Variants in AKAP7 observed in about 807,000 individuals in gnomAD.
AKAP7 encodes A-kinase anchoring protein 7, also known as A kinase (PRKA) anchor protein 7.
In AKAP7, 39 loss-of-function variants were observed where a neutral mutation model predicts 39.5. The observed-to-expected ratio is 0.99, with a 90% CI of 0.76 to 1.29. AKAP7 has a LOEUF of 1.29. AKAP7 is among the 50% of genes most tolerant of loss of function. AKAP7 has a pLI of 0.00. For missense variants in AKAP7, 414 were observed against 407.7 expected (o/e 1.02, Z -0.13); for synonymous variants, 140 against 139.1 (o/e 1.01, Z -0.05).
At chr6:131,158,758 C>G (rs1802649994) in intron 2 of AKAP7, among the ~76,000 whole-genome samples, 1 of 152,048 alleles carries the variant, frequency 6.6e-6, no homozygotes. Context: ...CTTCCTGCTT[C>G]AGCCTCCCAA....
chr6:131,145,443 A>G, intron 2 of AKAP7, 27 bp downstream of exon 2: 1 of 1,371,300 alleles, frequency 7.3e-7, no homozygotes, highest in Non-Finnish European at 9.6e-7. Flanking sequence ...GTAAACGCGT[A>G]TTTAGAAGCA....
At chr6:131,153,003 G>A (rs1243626369) in intron 2 of AKAP7, among the ~76,000 whole-genome samples, 1 of 151,758 alleles carries the variant, frequency 6.6e-6, no homozygotes. Context: ...GGTGGCGTGT[G>A]CCTGTAGTCC....
intron 7 of AKAP7, among the ~76,000 whole-genome samples, chr6:131,277,691 A>G (rs535089457): frequency 2.4e-3 from 373 of 152,282 alleles, no homozygotes; most frequent in Non-Finnish European, 4.5e-3. Flanking sequence ...GAAAATGTCT[A>G]TTTTTTGAAT....
chr6:131,189,754 G>A (rs962705595), intron 5 of AKAP7, among the ~76,000 whole-genome samples: 30 of 152,254 alleles, frequency 2.0e-4, no homozygotes, highest in African/African-American at 7.2e-4. Context: ...CTTTTATATA[G>A]CAAAGTGTCC....
chr6:131,205,342 G>C (rs1807989997), intron 6 of AKAP7, among the ~76,000 whole-genome samples: 1 of 152,064 alleles, frequency 6.6e-6, no homozygotes. Context: ...GATGTGGACA[G>C]ATGGCTGGTG....
At chr6:131,191,208 G>A (rs956884008) in intron 5 of AKAP7, among the ~76,000 whole-genome samples, 1 of 152,116 alleles carries the variant, frequency 6.6e-6, no homozygotes, top group African/African-American at 2.4e-5. Context: ...ATAAGACATC[G>A]CTAATATTTG....
At chr6:131,251,171 A>G (rs938355194) in intron 7 of AKAP7, among the ~76,000 whole-genome samples, 2 of 152,214 alleles carry the variant, frequency 1.3e-5, no homozygotes, top group Admixed American at 6.5e-5. Flanking sequence ...CAGAAGCCCC[A>G]TTGAACCTGC....
chr6:131,255,200 G>C (rs1812745331), intron 7 of AKAP7, among the ~76,000 whole-genome samples: 1 of 152,088 alleles, frequency 6.6e-6, no homozygotes, highest in Non-Finnish European at 1.5e-5. Flanking sequence ...TCGTATTCAG[G>C]GTAGGTGTCG....
the AKAP7 span, among the ~76,000 whole-genome samples, chr6:131,125,994 G>T: frequency 2.7e-3 from 406 of 152,258 alleles, 2 homozygotes; most frequent in African/African-American, 8.7e-3. Context: ...GAGGCTATGT[G>T]GCATTAGGAT....
chr6:131,172,280 T>A (rs1172172082), intron 5 of AKAP7, among the ~76,000 whole-genome samples: 1 of 152,188 alleles, frequency 6.6e-6, no homozygotes, highest in African/African-American at 2.4e-5. Flanking sequence ...AACTAAAGGA[T>A]ATGCAAGACT....
intron 2 of AKAP7, 123 bp downstream of exon 2, chr6:131,145,539 GATTTC>G (rs1454098028): frequency 4.9e-6 from 3 of 609,792 alleles, no homozygotes; most frequent in African/African-American, 3.9e-5. Context: ...TTTTAATTTT[GATTTC>G]ATTTCATTTA....
chr6:131,262,539 A>AT (rs924228523), intron 7 of AKAP7, among the ~76,000 whole-genome samples: 1 of 152,072 alleles, frequency 6.6e-6, no homozygotes, highest in Non-Finnish European at 1.5e-5. Flanking sequence ...AAAATGATGT[A>AT]TTTTTCACAA....
the AKAP7 span, among the ~76,000 whole-genome samples, chr6:131,127,565 T>G: frequency 6.6e-6 from 1 of 152,092 alleles, no homozygotes; most frequent in Non-Finnish European, 1.5e-5. Context: ...CTAAGGAAAA[T>G]TAATACATAA....
chr6:131,167,520 A>C (rs145803333), intron 4 of AKAP7, among the ~76,000 whole-genome samples: 1 of 152,218 alleles, frequency 6.6e-6, no homozygotes, highest in Non-Finnish European at 1.5e-5. Context: ...GCTTTAATTC[A>C]TAGCACACAG....
At chr6:131,130,615 G>C (rs2128220081), upstream of AKAP7, among the ~76,000 whole-genome samples, 1 of 152,256 alleles carries the variant, frequency 6.6e-6, no homozygotes, top group South Asian at 2.1e-4. Flanking sequence ...CTTTTCATTT[G>C]CAAGAGATGT....
intron 7 of AKAP7, among the ~76,000 whole-genome samples, chr6:131,249,698 A>G (rs1031596230): frequency 2.6e-5 from 4 of 152,196 alleles, no homozygotes; most frequent in Non-Finnish European, 5.9e-5. Context: ...AGCCTTTCTT[A>G]AAATTAGTTG....
intron 3 of AKAP7, among the ~76,000 whole-genome samples, chr6:131,161,510 T>A (rs1802944562): frequency 6.6e-6 from 1 of 151,292 alleles, no homozygotes; most frequent in Non-Finnish European, 1.5e-5. Context: ...CTGGGCATGG[T>A]GGCTCACACC....
intron 7 of AKAP7, among the ~76,000 whole-genome samples, chr6:131,268,839 T>C (rs1396553262): frequency 6.6e-6 from 1 of 152,232 alleles, no homozygotes; most frequent in East Asian, 1.9e-4. Context: ...AAATACATGA[T>C]AAGAAATTAC....
chr6:131,173,154 T>A (rs1301245167), intron 5 of AKAP7, among the ~76,000 whole-genome samples: 1 of 147,846 alleles, frequency 6.8e-6, no homozygotes, highest in Non-Finnish European at 1.5e-5. Context: ...TGAGCCGAGA[T>A]CGTGCCACTG....
Sources: allele counts gnomAD v4.1 joint callset (sites outside exome capture counted in the v4.1 genomes callset), GRCh38; gene constraint gnomAD v4.1.1; transcripts MANE v1.5; gene names NCBI Gene and HGNC (gene_info 2026-07-23, HGNC 2026-07-21).